Variants in DGKB observed in about 807,000 individuals in gnomAD.
DGKB encodes the protein diacylglycerol kinase beta, also known as 90 kDa diacylglycerol kinase.
In DGKB, 67 loss-of-function variants were observed where a neutral mutation model predicts 114.3. The observed-to-expected ratio is 0.59, with a 90% CI of 0.48 to 0.72. DGKB has a LOEUF of 0.72. Ranked by LOEUF, DGKB falls within the 30% of genes least tolerant of loss-of-function variation. The probability of loss-of-function intolerance (pLI) is 0.00; values close to 1 mark genes in which losing one functional copy is unlikely to be tolerated. For synonymous variants in DGKB, 398 were observed against 323.1 expected, an observed-to-expected ratio of 1.23 and a Z score of -2.49; for missense variants, 907 against 975.2, an observed-to-expected ratio of 0.93 and a Z score of 0.93.
chr7:14,477,290 C>T (rs1782325108), intron 21 of DGKB, among the ~76,000 whole-genome samples: 1 of 152,126 alleles, frequency 6.6e-6, no homozygotes, highest in Admixed American at 6.5e-5. Context: ...GTGCAGGTAT[C>T]TAATAAATGG....
chr7:14,797,713 A>G (rs1841591825), intron 2 of DGKB, among the ~76,000 whole-genome samples: 1 of 151,180 alleles, frequency 6.6e-6, no homozygotes, highest in South Asian at 2.1e-4. Context: ...AGCTTGTTCT[A>G]TCCTGTAGTT....
At chr7:14,711,584 A>G (rs986516953) in intron 6 of DGKB, among the ~76,000 whole-genome samples, 1 of 152,148 alleles carries the variant, frequency 6.6e-6, no homozygotes, top group African/African-American at 2.4e-5. Flanking sequence ...CACTAACACA[A>G]TTTTCAGGAG....
intron 2 of DGKB, among the ~76,000 whole-genome samples, chr7:14,809,221 T>C (rs753065537): frequency 8.5e-5 from 13 of 152,148 alleles, no homozygotes; most frequent in Non-Finnish European, 1.3e-4. Context: ...AGGCACTTAA[T>C]AGTATTTTAT....
At chr7:14,647,335 AAACAAC>A (rs940990701) in intron 13 of DGKB, among the ~76,000 whole-genome samples, 13 of 151,890 alleles carry the variant, frequency 8.6e-5, no homozygotes, top group Admixed American at 6.6e-4. Context: ...CCCAAAAAGA[AAACAAC>A]AACAACAACA....
intron 23 of DGKB, among the ~76,000 whole-genome samples, chr7:14,241,805 A>G (rs1171544000): frequency 6.6e-6 from 1 of 152,102 alleles, no homozygotes; most frequent in African/African-American, 2.4e-5. Flanking sequence ...AGTTTTACTA[A>G]CATTATAACA....
chr7:14,665,178 T>C (rs772094737), intron 13 of DGKB, among the ~76,000 whole-genome samples: 2 of 151,906 alleles, frequency 1.3e-5, no homozygotes, highest in Non-Finnish European at 2.9e-5. Flanking sequence ...AATTAACCCC[T>C]TTGTTAGAGA....
intron 1 of DGKB, among the ~76,000 whole-genome samples, chr7:14,925,107 T>A (rs531080104): frequency 7.9e-5 from 12 of 152,362 alleles, no homozygotes; most frequent in African/African-American, 2.9e-4. Flanking sequence ...TAATAATGTT[T>A]TCATTTTGAT....
chr7:14,908,508 A>G (rs1375968698), intron 1 of DGKB, among the ~76,000 whole-genome samples: 1 of 152,204 alleles, frequency 6.6e-6, no homozygotes, highest in African/African-American at 2.4e-5. Context: ...TTAAAACACC[A>G]TGCTATCAAC....
chr7:14,293,239 G>A (rs1386959335), intron 23 of DGKB, among the ~76,000 whole-genome samples: 1 of 152,070 alleles, frequency 6.6e-6, no homozygotes, highest in Non-Finnish European at 1.5e-5. Flanking sequence ...ATAAAAGCAG[G>A]AAAGCTCTGC....
chr7:14,689,330 T>C (rs991271017), intron 9 of DGKB, among the ~76,000 whole-genome samples: 3 of 150,192 alleles, frequency 2.0e-5, no homozygotes, highest in African/African-American at 4.9e-5. Context: ...CTTCACCCAC[T>C]GCGCCCGGCT....
At chr7:14,848,932 A>T (rs1445458442) in intron 1 of DGKB, among the ~76,000 whole-genome samples, 1 of 151,930 alleles carries the variant, frequency 6.6e-6, no homozygotes, top group East Asian at 1.9e-4. Flanking sequence ...TTTGTATTAC[A>T]ATCTGAAAGC....
At chr7:14,636,284 A>C (rs1810739713) in intron 13 of DGKB, among the ~76,000 whole-genome samples, 1 of 151,786 alleles carries the variant, frequency 6.6e-6, no homozygotes, top group Non-Finnish European at 1.5e-5. Flanking sequence ...CCATATAATT[A>C]GAATATAATT....
intron 1 of DGKB, among the ~76,000 whole-genome samples, chr7:14,901,072 G>T (rs774801932): frequency 6.6e-6 from 1 of 152,006 alleles, no homozygotes; most frequent in Non-Finnish European, 1.5e-5. Context: ...GATTCACAAG[G>T]TCACATGTAG....
At chr7:14,953,083 G>C (rs549878942) in intron 1 of DGKB, among the ~76,000 whole-genome samples, 1 of 152,062 alleles carries the variant, frequency 6.6e-6, no homozygotes, top group African/African-American at 2.4e-5. Flanking sequence ...AGGCCTACAT[G>C]TAAGTATAAA....
At chr7:14,745,686 A>G (rs969938620) in intron 4 of DGKB, among the ~76,000 whole-genome samples, 16 of 152,192 alleles carry the variant, frequency 1.1e-4, no homozygotes, top group African/African-American at 3.9e-4. Flanking sequence ...TCTTCAGCTC[A>G]TGTGTGGTGG....
chr7:14,367,525 T>A (rs530637130), intron 21 of DGKB, among the ~76,000 whole-genome samples: 4 of 151,850 alleles, frequency 2.6e-5, no homozygotes, highest in African/African-American at 9.7e-5. Flanking sequence ...TGTGAGTCCA[T>A]TAAACCTCTT....
chr7:14,867,508 C>G (rs1290754981), intron 1 of DGKB, among the ~76,000 whole-genome samples: 1 of 151,980 alleles, frequency 6.6e-6, no homozygotes, highest in Non-Finnish European at 1.5e-5. Context: ...GAAAGACTAT[C>G]TTTGCTCCAA....
chr7:14,956,613 G>T (rs1587454752), intron 1 of DGKB, among the ~76,000 whole-genome samples: 1 of 152,094 alleles, frequency 6.6e-6, no homozygotes, highest in African/African-American at 2.4e-5. Flanking sequence ...GAATAAGACA[G>T]CTTCTTAACC....
At chr7:14,582,966 A>G in intron 18 of DGKB, 86 bp downstream of exon 18, 1 of 872,018 alleles carries the variant, frequency 1.1e-6, no homozygotes, top group South Asian at 1.4e-5. Flanking sequence ...TCCAAAGATA[A>G]TGATACAAGC....
Sources: allele counts gnomAD v4.1 joint callset (sites outside exome capture counted in the v4.1 genomes callset), GRCh38; gene constraint gnomAD v4.1.1; transcripts MANE v1.5; gene names NCBI Gene and HGNC (gene_info 2026-07-23, HGNC 2026-07-21).